The following ENTPD1 variants were observed in gnomAD, a reference collection of about 807,000 sequenced individuals.
The protein encoded by ENTPD1 is ectonucleoside triphosphate diphosphohydrolase 1.
In ENTPD1, 33 loss-of-function variants were observed where a neutral mutation model predicts 57.0. The observed-to-expected ratio is 0.58, with a 90% confidence interval of 0.44 to 0.77. ENTPD1 has a LOEUF of 0.77. Among genes scored for constraint, ENTPD1 ranks in the 30% least tolerant of loss-of-function variants. ENTPD1 has a pLI of 0.00. For synonymous variants in ENTPD1, 202 were observed against 218.8 expected, an observed-to-expected ratio of 0.92 and a Z score of 0.68; for missense variants, 501 against 603.4, an observed-to-expected ratio of 0.83 and a Z score of 1.78.
chr10:95,838,868 A>T (rs533110510), intron 2 of ENTPD1, among the ~76,000 whole-genome samples: 19 of 152,246 alleles, frequency 1.2e-4, no homozygotes, highest in Non-Finnish European at 2.2e-4. Context: ...TTCTGTTTCT[A>T]GTTCTTTCTC....
At chr10:95,730,371 G>A (rs1395154770) in intron 1 of ENTPD1, among the ~76,000 whole-genome samples, 1 of 152,132 alleles carries the variant, frequency 6.6e-6, no homozygotes, top group Non-Finnish European at 1.5e-5. Context: ...CTATAATCAA[G>A]TGGTGCCACC....
chr10:95,730,374 G>C (rs1164077796), intron 1 of ENTPD1, among the ~76,000 whole-genome samples: 1 of 152,132 alleles, frequency 6.6e-6, no homozygotes, highest in Non-Finnish European at 1.5e-5. Flanking sequence ...TAATCAAGTG[G>C]TGCCACCACC....
intron 2 of ENTPD1, among the ~76,000 whole-genome samples, chr10:95,834,056 G>A (rs2098403654): frequency 6.6e-6 from 1 of 152,178 alleles, no homozygotes; most frequent in South Asian, 2.1e-4. Context: ...TTTGGGGATG[G>A]TGTAGGACAA....
intron 2 of ENTPD1, among the ~76,000 whole-genome samples, chr10:95,824,002 G>GA (rs1226013380): frequency 6.6e-6 from 1 of 152,108 alleles, no homozygotes; most frequent in Non-Finnish European, 1.5e-5. Flanking sequence ...AGATCATTAG[G>GA]ATCATTAACT....
At chr10:95,710,398 G>A (rs2097964550), upstream of ENTPD1, among the ~76,000 whole-genome samples, 1 of 151,956 alleles carries the variant, frequency 6.6e-6, no homozygotes, top group Non-Finnish European at 1.5e-5. Flanking sequence ...GAGCCAGACT[G>A]TTTTAAAAAA....
chr10:95,802,493 A>G (rs1169739696), intron 1 of ENTPD1, among the ~76,000 whole-genome samples: 1 of 151,956 alleles, frequency 6.6e-6, no homozygotes, highest in Non-Finnish European at 1.5e-5. Flanking sequence ...GTTCTAGGGT[A>G]CATGTGCAGA....
At chr10:95,787,352 A>T (rs947509257) in intron 1 of ENTPD1, among the ~76,000 whole-genome samples, 4 of 152,230 alleles carry the variant, frequency 2.6e-5, no homozygotes, top group African/African-American at 9.6e-5. Flanking sequence ...TCCACATATT[A>T]CAAGAGGGCT....
intron 1 of ENTPD1, among the ~76,000 whole-genome samples, chr10:95,813,744 T>G (rs1488337671): frequency 6.6e-6 from 1 of 152,184 alleles, no homozygotes; most frequent in African/African-American, 2.4e-5. Flanking sequence ...ATAGCACATT[T>G]TTCTATAGTA....
chr10:95,845,409 T>C lies in ENTPD1; in HGVS notation c.626T>C (p.Phe209Ser). The C allele has an allele frequency of 6.2e-7, 1 of 1,614,172 alleles. No homozygotes were observed. Reference protein sequence around the residue: ...VPYETNNQETFGALDLGGAST... With the variant: ...VPYETNNQETSGALDLGGAST... Reference sequence around the variant, plus strand: ...TATGAAACCAATAATCAGGAAACCTTTGGAGCTTTGGACCTTGGGGGAGCC... The same window carrying C: ...TATGAAACCAATAATCAGGAAACCTCTGGAGCTTTGGACCTTGGGGGAGCC... Residue 209 changes from phenylalanine (F) to serine (S), a missense_variant, in exon 6 of 10, where the codon TTT becomes TCT. By Grantham distance (155) the Phe-to-Ser change is radical. Transcript: ENST00000371205.
intron 7 of ENTPD1, among the ~76,000 whole-genome samples, chr10:95,851,561 T>C (rs1016566815): frequency 6.6e-6 from 1 of 151,084 alleles, no homozygotes; most frequent in African/African-American, 2.4e-5. Flanking sequence ...GTATATCTCC[T>C]AATGCTATCC....
At chr10:95,706,932 C>T (rs2097962796), upstream of ENTPD1, among the ~76,000 whole-genome samples, 1 of 152,188 alleles carries the variant, frequency 6.6e-6, no homozygotes. Flanking sequence ...GAGATCCGAG[C>T]AGGCGCCGGG....
At chr10:95,724,726 C>A (rs114141524) in intron 1 of ENTPD1, among the ~76,000 whole-genome samples, 1 of 152,116 alleles carries the variant, frequency 6.6e-6, no homozygotes, top group Admixed American at 6.5e-5. Flanking sequence ...GGGTCTGCGA[C>A]GGTGGCAAAC....
chr10:95,770,252 A>AGTGT (rs1286103838), intron 1 of ENTPD1, among the ~76,000 whole-genome samples: 2,041 of 115,272 alleles, frequency 0.018, 19 homozygotes, highest in Non-Finnish European at 0.022. Flanking sequence ...AGAGTGAGTG[A>AGTGT]GTGAGTGTGT....
Position 95,791,379 on chromosome 10 carries a change from G to A in ENTPD1, c.17-31858G>A, listed in dbSNP as rs1371497430. 6.6e-6 allele frequency among the ~76,000 whole-genome samples: 1 copy of A among 152,170 alleles called. No homozygotes were observed. Among genetic ancestry groups the A allele is most frequent in the East Asian group, 1.9e-4 (1 of 5,204 alleles). On this transcript the variant is annotated intron_variant, in intron 1 of 9. Coordinates refer to ENST00000371205, the MANE Select transcript of ENTPD1 (RefSeq NM_001776.6). This position sits in a 1 kb window ranked among gnomAD's most constrained non-coding sequence, Gnocchi z 4.1. ...TGGTAAATGGAACTGGAGCTATTTA[G>A]CCTGGAGAATAGGGGACTTGAGGAT...
chr10:95,868,767 T>C lies in ENTPD1; in HGVS notation c.*2384T>C. ...ACACTTTCCCTCAGCAAGTTGGAAT[T>C]AGACTTCACAAGTCTCCTTCAGAGA... On this transcript the variant is annotated 3_prime_UTR_variant, in exon 10 of 10. Transcript: ENST00000371205. 1 of 985,428 alleles carries C rather than the reference T, an allele frequency of 1.0e-6. No individual in the cohort carries two copies. The highest frequency in any genetic ancestry group is 1.2e-6 in the Non-Finnish European group (1 of 829,926). 61.0% of individuals were successfully genotyped at this position (985,428 alleles called of 1,614,324 possible).
At chr10:95,728,417 G>A (rs2097985902) in intron 1 of ENTPD1, among the ~76,000 whole-genome samples, 1 of 152,132 alleles carries the variant, frequency 6.6e-6, no homozygotes, top group African/African-American at 2.4e-5. Context: ...TGTTTAAAAG[G>A]TGAATTGTCC....
intron 2 of ENTPD1, among the ~76,000 whole-genome samples, chr10:95,835,094 C>T (rs1279084823): frequency 1.3e-5 from 2 of 152,140 alleles, no homozygotes; most frequent in Non-Finnish European, 2.9e-5. Flanking sequence ...GACCTCCTCC[C>T]CACCTCCCCT....
At chr10:95,740,445 G>C (rs1218569085) in intron 1 of ENTPD1, among the ~76,000 whole-genome samples, 1 of 152,160 alleles carries the variant, frequency 6.6e-6, no homozygotes, top group African/African-American at 2.4e-5. Flanking sequence ...AATTCTTAAA[G>C]GCCCTAGGAT....
chr10:95,776,343 A>C (rs2098133903), intron 1 of ENTPD1, among the ~76,000 whole-genome samples: 1 of 152,204 alleles, frequency 6.6e-6, no homozygotes, highest in South Asian at 2.1e-4. Context: ...GGTGGTGACA[A>C]AATCTCTCAG....
Sources: gnomAD v4.1 joint callset for allele counts (sites outside exome capture counted in the v4.1 genomes callset) on GRCh38, gnomAD v4.1.1 for gene constraint, Gnocchi (gnomAD v3.1) non-coding constraint, MANE v1.5 for transcripts, NCBI Gene and HGNC (gene_info 2026-07-23, HGNC 2026-07-21) for gene names.